Variants in ASTN2 observed in about 807,000 individuals in gnomAD.
ASTN2 encodes the protein astrotactin-2.
In ASTN2, 54 loss-of-function variants were observed where a neutral mutation model predicts 139.8. The ratio of observed to expected loss-of-function variants is 0.39; its 90% confidence interval spans 0.31 to 0.48. The LOEUF is 0.48. Among genes scored for constraint, ASTN2 ranks in the 20% least tolerant of loss-of-function variants. ASTN2 has a pLI of 0.95. For synonymous variants in ASTN2, 756 were observed against 719.5 expected, an observed-to-expected ratio of 1.05 and a Z score of -0.81; for missense variants, 1,565 against 1,725.1, an observed-to-expected ratio of 0.91 and a Z score of 1.64.
At chr9:116,640,214 C>G (rs1394230489) in intron 17 of ASTN2, among the ~76,000 whole-genome samples, 2 of 152,068 alleles carry the variant, frequency 1.3e-5, no homozygotes, top group African/African-American at 4.8e-5. Flanking sequence ...GAGAAATAGA[C>G]TAGGGTTGGG....
intron 13 of ASTN2, among the ~76,000 whole-genome samples, chr9:116,773,705 A>G (rs1830010655): frequency 1.3e-5 from 2 of 152,128 alleles, no homozygotes; most frequent in Non-Finnish European, 2.9e-5. Context: ...CATTATCCTC[A>G]TTTTCACAGA....
At chr9:116,552,562 A>G (rs1472732997) in intron 19 of ASTN2, among the ~76,000 whole-genome samples, 1 of 152,196 alleles carries the variant, frequency 6.6e-6, no homozygotes, top group Non-Finnish European at 1.5e-5. Flanking sequence ...CTGCTGAGCT[A>G]GTCCACACAC....
intron 1 of ASTN2, among the ~76,000 whole-genome samples, chr9:117,308,973 T>G (rs1402245034): frequency 6.6e-6 from 1 of 152,170 alleles, no homozygotes; most frequent in African/African-American, 2.4e-5. Context: ...GACCTCCCCT[T>G]CCATAAGTCA....
At chr9:117,108,862 A>T (rs1216527546) in intron 4 of ASTN2, among the ~76,000 whole-genome samples, 1 of 152,184 alleles carries the variant, frequency 6.6e-6, no homozygotes, top group Non-Finnish European at 1.5e-5. Context: ...TGAACCCATG[A>T]TGGCTTCTGG....
chr9:117,175,171 T>G (rs944105105), intron 3 of ASTN2, among the ~76,000 whole-genome samples: 1 of 152,062 alleles, frequency 6.6e-6, no homozygotes, highest in African/African-American at 2.4e-5. Flanking sequence ...AATTAATAAA[T>G]GTAATACAAG....
chr9:117,002,895 G>C (rs548907644), intron 7 of ASTN2, among the ~76,000 whole-genome samples: 1 of 152,196 alleles, frequency 6.6e-6, no homozygotes, highest in Non-Finnish European at 1.5e-5. Context: ...GACAGTAGGT[G>C]GGAGGGCCCC....
At chr9:117,288,345 T>C (rs1834500385) in intron 2 of ASTN2, among the ~76,000 whole-genome samples, 1 of 152,176 alleles carries the variant, frequency 6.6e-6, no homozygotes, top group Non-Finnish European at 1.5e-5. Context: ...GGGAGCTGGT[T>C]TCCCTGCATG....
chr9:117,081,367 C>T (rs911140152), intron 5 of ASTN2, among the ~76,000 whole-genome samples: 4 of 152,170 alleles, frequency 2.6e-5, no homozygotes, highest in Non-Finnish European at 4.4e-5. Context: ...TACCCTCAGC[C>T]CCTTCACTTT....
At chr9:116,802,274 G>A (rs1448398754) in intron 13 of ASTN2, among the ~76,000 whole-genome samples, 1 of 151,924 alleles carries the variant, frequency 6.6e-6, no homozygotes, top group African/African-American at 2.4e-5. Flanking sequence ...TTTTAGTAGA[G>A]ACAGCATTTC....
chr9:116,691,179 C>A (rs963884393), intron 16 of ASTN2, among the ~76,000 whole-genome samples: 8 of 152,162 alleles, frequency 5.3e-5, no homozygotes, highest in African/African-American at 1.9e-4. Flanking sequence ...CTAGTCTCCC[C>A]AAAATTCTCA....
Position 116,424,355 on chromosome 9 carries a change from T to C in ASTN2, c.*1496A>G, listed in dbSNP as rs527277607. The stretch of plus-strand genomic sequence containing the variant: ...TCCATCCTTCACCCTGTAGTGAGAA[T>C]GATTTTCTTAAAGAGTAAGTTGACT... On this transcript the variant is annotated 3_prime_UTR_variant, in exon 23 of 23. Transcript: ENST00000313400. Among the ~76,000 whole-genome samples, 5 of 152,300 alleles carry C rather than the reference T, an allele frequency of 3.3e-5. No individual in the cohort carries two copies. The South Asian group carries it at 1.0e-3, about 32-fold the overall frequency.
At chr9:117,105,286 G>T (rs908561444) in intron 4 of ASTN2, among the ~76,000 whole-genome samples, 2 of 152,096 alleles carry the variant, frequency 1.3e-5, no homozygotes, top group Non-Finnish European at 2.9e-5. Context: ...TAAAAACACT[G>T]GTTCTCTAGA....
intron 16 of ASTN2, among the ~76,000 whole-genome samples, chr9:116,701,555 A>AAAT: frequency 6.6e-6 from 1 of 152,314 alleles, no homozygotes; most frequent in African/African-American, 2.4e-5. Context: ...GTGGAGAGAG[A>AAAT]AATATAATAT....
At chr9:116,430,458 T>C (rs1847460797) in intron 22 of ASTN2, among the ~76,000 whole-genome samples, 1 of 152,190 alleles carries the variant, frequency 6.6e-6, no homozygotes, top group Non-Finnish European at 1.5e-5. Flanking sequence ...GTAGCATCCA[T>C]AAAATGTGAA....
Position 116,944,766 on chromosome 9 carries a change from G to A in ASTN2, c.1889+30442C>T, listed in dbSNP as rs114049386. On this transcript the variant is annotated intron_variant, in intron 10 of 22. Transcript: ENST00000313400. The stretch of plus-strand genomic sequence containing the variant: ...TTTGGGAAGCCATAAACAATTTAAT[G>A]TGGCTGAAATGCAAAGGATAGGGGG... Among the ~76,000 whole-genome samples the A allele has an allele frequency of 4.8e-3, 714 of 149,678 alleles. 8 individuals are homozygous for A. Among genetic ancestry groups the A allele is most frequent in the African/African-American group, 0.017 (693 of 40,956 alleles).
intron 20 of ASTN2, among the ~76,000 whole-genome samples, chr9:116,462,013 GGTT>G (rs1848502015): frequency 6.6e-6 from 1 of 152,082 alleles, no homozygotes; most frequent in Non-Finnish European, 1.5e-5. Context: ...GTTAAATAAT[GGTT>G]ATTATCACCA....
chr9:116,795,169 G>A (rs141596256), intron 13 of ASTN2, among the ~76,000 whole-genome samples: 1,874 of 152,178 alleles, frequency 0.012, 41 homozygotes, highest in African/African-American at 0.042. Flanking sequence ...TAATAGAGAC[G>A]TGGTTTCACC....
At chr9:117,003,951 C>CGT (rs1459356130) in intron 7 of ASTN2, among the ~76,000 whole-genome samples, 1,639 of 130,824 alleles carry the variant, frequency 0.013, 43 homozygotes, top group African/African-American at 0.05. Flanking sequence ...CGCGCGCGCG[C>CGT]GCGTGTGTGT....
intron 5 of ASTN2, among the ~76,000 whole-genome samples, chr9:117,089,900 T>C (rs1828663416): frequency 6.6e-6 from 1 of 152,256 alleles, no homozygotes. Context: ...CATGTATATA[T>C]ACGACAGTTT....
Sources: gnomAD v4.1 joint callset for allele counts (sites outside exome capture counted in the v4.1 genomes callset) on GRCh38, gnomAD v4.1.1 for gene constraint, MANE v1.5 for transcripts, NCBI Gene and HGNC (gene_info 2026-07-23, HGNC 2026-07-21) for gene names.